The following KSR2 variants were observed in gnomAD, a reference collection of about 807,000 sequenced individuals.
KSR2 encodes the protein kinase suppressor of ras 2.
A neutral mutation model predicts 107.8 loss-of-function variants in KSR2; 25 were observed. The observed-to-expected ratio is 0.23, with a 90% CI of 0.17 to 0.32. KSR2 has a LOEUF of 0.32. Among genes scored for constraint, KSR2 ranks in the 10% least tolerant of loss-of-function variants. The pLI is 1.00. For missense variants in KSR2, 887 were observed against 1,268.9 expected, an observed-to-expected ratio of 0.70 and a Z score of 4.57; for synonymous variants, 480 against 507.0, an observed-to-expected ratio of 0.95 and a Z score of 0.71.
chr12:117,520,468 G>A (rs545012187), intron 14 of KSR2, among the ~76,000 whole-genome samples: 11 of 152,242 alleles, frequency 7.2e-5, no homozygotes, highest in Middle Eastern at 6.8e-3. Flanking sequence ...CCCACTGTCA[G>A]AACAGCAACC....
chr12:117,667,718 G>T, intron 4 of KSR2, 60 bp from the exon 5 acceptor site: 1 of 1,392,616 alleles, frequency 7.2e-7, no homozygotes. Context: ...CAAAGTTACA[G>T]CAGGGAGGCC....
At position 117,717,212 on chromosome 12, in the gene KSR2, G is replaced by A. The variant is rs150641774; in HGVS notation, c.986+43799C>T. Reference sequence around the variant, plus strand: ...TCCTCTTGTCTTATAATTGCACATTGCCAGCTGCACTTTTTAGAGAGCCCA... The same window carrying A: ...TCCTCTTGTCTTATAATTGCACATTACCAGCTGCACTTTTTAGAGAGCCCA... On this transcript the variant is annotated intron_variant, in intron 4 of 19. Transcript: ENST00000339824. 1.4e-3 allele frequency among the ~76,000 whole-genome samples: 212 copies of A among 152,258 alleles called. 1 individual carries two copies. Among genetic ancestry groups the A allele is most frequent in the Non-Finnish European group, 2.7e-3 (183 of 68,026 alleles).
At chr12:117,814,944 A>C (rs183718679) in intron 3 of KSR2, among the ~76,000 whole-genome samples, 4 of 152,316 alleles carry the variant, frequency 2.6e-5, no homozygotes, top group African/African-American at 4.8e-5. Context: ...TAAATCAATA[A>C]AAAAACAAAC....
chr12:117,657,044 CCTGA>C (rs1565947307), intron 5 of KSR2, among the ~76,000 whole-genome samples: 1 of 135,048 alleles, frequency 7.4e-6, no homozygotes, highest in Non-Finnish European at 1.5e-5. Context: ...CTAAGAGAAT[CCTGA>C]CTAATACTGC....
chr12:117,779,078 GAC>G (rs1889792100), intron 3 of KSR2, among the ~76,000 whole-genome samples: 1 of 152,180 alleles, frequency 6.6e-6, no homozygotes, highest in Non-Finnish European at 1.5e-5. Flanking sequence ...CCTCTGCAAA[GAC>G]AGTGCTTATG....
intron 1 of KSR2, among the ~76,000 whole-genome samples, chr12:117,916,546 A>T (rs1487940394): frequency 6.6e-6 from 1 of 152,196 alleles, no homozygotes; most frequent in Non-Finnish European, 1.5e-5. Flanking sequence ...TGGTAATTTC[A>T]GTGGTTATAA....
intron 16 of KSR2, 43 bp from the exon 17 acceptor site, chr12:117,476,638 G>T: frequency 6.4e-7 from 1 of 1,574,174 alleles, no homozygotes; most frequent in East Asian, 2.3e-5. Context: ...TCATAGCCCA[G>T]GGTGGACCAG....
intron 4 of KSR2, among the ~76,000 whole-genome samples, chr12:117,739,012 G>A (rs988573498): frequency 2.6e-5 from 4 of 152,144 alleles, no homozygotes; most frequent in African/African-American, 4.8e-5. Context: ...GTACACTATT[G>A]TAGACTTTAT....
chr12:117,963,464 G>A (rs539767489), intron 1 of KSR2, among the ~76,000 whole-genome samples: 25 of 152,104 alleles, frequency 1.6e-4, no homozygotes, highest in South Asian at 1.2e-3. Context: ...TTAGCCAAGC[G>A]TGGTGGTGCA....
At chr12:117,551,510 C>T (rs35549026) in intron 9 of KSR2, among the ~76,000 whole-genome samples, 5 of 152,082 alleles carry the variant, frequency 3.3e-5, no homozygotes, top group African/African-American at 9.7e-5. Context: ...GGCCCACAGT[C>T]GTACAGCAAG....
At chr12:117,697,178 C>T (rs961357277) in intron 4 of KSR2, among the ~76,000 whole-genome samples, 2 of 152,180 alleles carry the variant, frequency 1.3e-5, no homozygotes, top group African/African-American at 4.8e-5. Context: ...GACAGCGTCC[C>T]TAAACTTAAT....
rs545480517 is a variant in KSR2, at chr12:117,460,256, A to G, written c.*6943T>C. On this transcript the variant is annotated 3_prime_UTR_variant, in exon 20 of 20. Transcript: ENST00000339824. ...AAGGAGGACAGCCATTCTCAACCCC[A>G]TGAGATGAATCCTTCATATTCTTGG... 4 of 152,232 alleles carry G rather than the reference A, an allele frequency of 2.6e-5. No individual in the cohort carries two copies. Among genetic ancestry groups the G allele is most frequent in the South Asian group, 4.2e-4 (2 of 4,818 alleles). The allele number at this position is 152,232 out of a possible 1,614,324, so 9.4% of individuals were successfully genotyped here. A position where few individuals can be genotyped will look rare whatever the true frequency, so the allele number is the denominator to read the frequency against.
At chr12:117,888,126 A>C (rs529794979) in intron 1 of KSR2, among the ~76,000 whole-genome samples, 38 of 152,326 alleles carry the variant, frequency 2.5e-4, no homozygotes, top group South Asian at 1.9e-3. Context: ...CCTTTTGAGA[A>C]TAACCATCAA....
chr12:117,890,718 A>G (rs1043517043), intron 1 of KSR2: 34 of 152,220 alleles, frequency 2.2e-4, no homozygotes, highest in African/African-American at 8.0e-4. Context: ...ATATACCCAT[A>G]AGCTAGAAAT....
Position 117,652,355 on chromosome 12 carries a change from T to C in KSR2, c.1171+15119A>G, listed in dbSNP as rs1883940925. 2.0e-5 allele frequency among the ~76,000 whole-genome samples: 3 copies of C among 152,228 alleles called. No homozygotes were observed. In the South Asian group the frequency reaches 6.2e-4, roughly 32 times the overall value. On this transcript the variant is annotated intron_variant, in intron 5 of 19. Transcript: ENST00000339824. ...TTAAAAAAGAATACTCTGACTCATG[T>C]AGATCTCTGGCATTGGCTAATTAAT...
intron 4 of KSR2, among the ~76,000 whole-genome samples, chr12:117,686,836 A>G (rs184797866): frequency 8.9e-4 from 135 of 152,306 alleles, no homozygotes; most frequent in African/African-American, 3.2e-3. Flanking sequence ...ACATGCCTAA[A>G]TTGGAATATA....
intron 9 of KSR2, among the ~76,000 whole-genome samples, chr12:117,543,499 G>T (rs1876645111): frequency 6.6e-6 from 1 of 152,154 alleles, no homozygotes; most frequent in East Asian, 1.9e-4. Context: ...TTTCACAAAA[G>T]AATAAAGCTG....
At chr12:117,883,520 T>C (rs1318959776) in intron 1 of KSR2, among the ~76,000 whole-genome samples, 1 of 152,070 alleles carries the variant, frequency 6.6e-6, no homozygotes, top group Non-Finnish European at 1.5e-5. Context: ...GCTCAGAGCA[T>C]ATAACAGAGA....
chr12:117,688,568 A>T (rs544028668), intron 4 of KSR2, among the ~76,000 whole-genome samples: 1 of 152,188 alleles, frequency 6.6e-6, no homozygotes, highest in Non-Finnish European at 1.5e-5. Context: ...CCAGTGTCCA[A>T]TTGGCAGGTT....
Sources: gnomAD v4.1 joint callset for allele counts (sites outside exome capture counted in the v4.1 genomes callset) on GRCh38, gnomAD v4.1.1 for gene constraint, MANE v1.5 for transcripts, NCBI Gene and HGNC (gene_info 2026-07-23, HGNC 2026-07-21) for gene names.